TPR: variants seen among roughly 807,000 people sequenced by gnomAD.
TPR encodes translocated promoter region, nuclear basket protein.
Under a neutral mutation model 316.1 loss-of-function variants are expected in TPR, and 51 were observed. The ratio of observed to expected loss-of-function variants is 0.16; its 90% confidence interval spans 0.13 to 0.20. TPR has a LOEUF of 0.20. Ranked by LOEUF, TPR falls within the 10% of genes least tolerant of loss-of-function variation. The pLI, the probability that TPR is intolerant of heterozygous loss-of-function variation, is 1.00. For synonymous variants in TPR, 981 were observed against 914.7 expected (o/e 1.07, Z -1.31); for missense variants, 2,272 against 2,754.8 (o/e 0.82, Z 3.92).
chr1:186,329,993 G>C (rs1201478563), intron 39 of TPR, among the ~76,000 whole-genome samples: 5 of 152,038 alleles, frequency 3.3e-5, no homozygotes, highest in Non-Finnish European at 4.4e-5. Context: ...ATCAGTTTCT[G>C]TAACTATGAG....
intron 4 of TPR, among the ~76,000 whole-genome samples, chr1:186,366,933 T>A (rs1053899105): frequency 6.6e-6 from 1 of 151,556 alleles, no homozygotes; most frequent in African/African-American, 2.4e-5. Context: ...GGAACTCTTG[T>A]GAGACTGGGA....
chr1:186,362,512 T>C, intron 6 of TPR, 132 bp from the exon 7 acceptor site: 5 of 702,898 alleles, frequency 7.1e-6, no homozygotes, highest in Non-Finnish European at 1.2e-5. Flanking sequence ...AAAATATGCA[T>C]ATTTAAGAAA....
At position 186,375,196 on chromosome 1, in the gene TPR, C is replaced by A. The variant is rs1465302574; in HGVS notation, c.-168G>T. On this transcript the variant is annotated 5_prime_UTR_variant, in exon 1 of 51. Coordinates refer to ENST00000367478, the MANE Select transcript of TPR (RefSeq NM_003292.3). ...CTCCCGCGGCGGGACCCTGGGAAAT[C>A]GAGTCCACCCTCAGCGGCAGCGTTT... 6 of 1,518,472 alleles carry A rather than the reference C, an allele frequency of 4.0e-6. No homozygotes were observed. The Admixed American group carries it at 1.1e-4, about 27-fold the overall frequency. 94.1% of individuals were successfully genotyped at this position (1,518,472 alleles called of 1,614,324 possible). A position where few individuals can be genotyped will look rare whatever the true frequency, so the allele number is the denominator to read the frequency against.
chr1:186,333,716 A>C (rs1658248684), intron 36 of TPR, among the ~76,000 whole-genome samples: 1 of 152,206 alleles, frequency 6.6e-6, no homozygotes, highest in South Asian at 2.1e-4. Flanking sequence ...TTTAGTTTTT[A>C]ATTGATATAA....
At position 186,361,499 on chromosome 1, in the gene TPR, T is replaced by C. The variant is rs1659186380; in HGVS notation, c.958+123A>G. 10 of 850,698 alleles carry C rather than the reference T, an allele frequency of 1.2e-5. No individual in the cohort carries two copies. The South Asian group carries it at 1.7e-4, about 14-fold the overall frequency. The allele number at this position is 850,698 out of a possible 1,614,324, so 52.7% of individuals were successfully genotyped here. ...TTTCCTAATCCAAAGTTCTTTCTTC[T>C]GTACCTAATTCTGTCCCAAATAAAG... On this transcript the variant is annotated intron_variant, in intron 9 of 50. Coordinates refer to ENST00000367478, the MANE Select transcript of TPR (RefSeq NM_003292.3).
chr1:186,360,056 T>C, intron 11 of TPR, 60 bp from the exon 12 acceptor site: 1 of 1,529,260 alleles, frequency 6.5e-7, no homozygotes, highest in Non-Finnish European at 8.9e-7. Context: ...ATTTAGTTGA[T>C]CTAGTTTCAT....
At chr1:186,361,958 A>T in intron 7 of TPR, 89 bp from the exon 8 acceptor site, 1 of 1,294,788 alleles carries the variant, frequency 7.7e-7, no homozygotes, top group Non-Finnish European at 1.1e-6. Context: ...CCATTTTTGT[A>T]AAGTAAGAGC....
chr1:186,359,761 T>C (rs1035951340), intron 12 of TPR, 38 bp downstream of exon 12: 7 of 1,559,710 alleles, frequency 4.5e-6, no homozygotes, highest in Non-Finnish European at 6.0e-6. Context: ...TTCTCATTTG[T>C]ATTGTTACCA....
chr1:186,358,874 G>T (rs1659103366), intron 12 of TPR, among the ~76,000 whole-genome samples: 1 of 152,102 alleles, frequency 6.6e-6, no homozygotes, highest in Non-Finnish European at 1.5e-5. Flanking sequence ...TTTCAACAGA[G>T]AGAAAAATTC....
In TPR at chr1:186,336,568, G is replaced by A; in HGVS notation, c.4633C>T (p.Gln1545Ter). 6.2e-7 allele frequency: 1 copy of A among 1,613,910 alleles called. No homozygotes were observed. Among genetic ancestry groups the A allele is most frequent in the Non-Finnish European group, 8.5e-7 (1 of 1,179,896 alleles). The change falls in exon 33 of 51, where the codon CAG (glutamine) becomes TAG (stop). Residue 1545 changes from glutamine (Q) to a stop codon, truncating the protein, a stop_gained. Transcript: ENST00000367478. LOFTEE classifies it high-confidence loss of function. ...GTTTTTTCTTCCTTTTCAGTTATCT[G>A]TTGTCGGAGCTGCTCCTCCTGTGTG... is the stretch of plus-strand genomic sequence containing the variant. ...RTTQEEQLRQ[Q>*]ITEKEEKTRK...
chr1:186,311,669 C>G lies in TPR; in HGVS notation c.*2302G>C. 2 of 1,443,390 alleles carry G rather than the reference C, an allele frequency of 1.4e-6. No individual in the cohort carries two copies. The highest frequency in any genetic ancestry group is 1.9e-6 in the Non-Finnish European group (2 of 1,029,854). 89.4% of individuals were successfully genotyped at this position (1,443,390 alleles called of 1,614,324 possible). The stretch of plus-strand genomic sequence containing the variant: ...ACTCAGCATTTTCATTTATTATTGA[C>G]TTTACTGTCAAAAGATATCTTTAAT... On this transcript the variant is annotated 3_prime_UTR_variant, in exon 51 of 51. Coordinates refer to ENST00000367478, the MANE Select transcript of TPR (RefSeq NM_003292.3).
chr1:186,325,900 G>T, intron 41 of TPR, 46 bp from the exon 42 acceptor site: 1 of 1,592,558 alleles, frequency 6.3e-7, no homozygotes, highest in Non-Finnish European at 8.6e-7. Context: ...AAATAAATAT[G>T]TTAAAAAAAC....
chr1:186,361,389 A>T (rs992010958), intron 9 of TPR, among the ~76,000 whole-genome samples: 29 of 152,092 alleles, frequency 1.9e-4, no homozygotes, highest in Admixed American at 1.6e-3. Flanking sequence ...ATACAAGATT[A>T]TTAGATAAAA....
intron 3 of TPR, among the ~76,000 whole-genome samples, chr1:186,370,207 C>T (rs1402689541): frequency 1.3e-5 from 2 of 151,904 alleles, no homozygotes; most frequent in South Asian, 2.1e-4. Flanking sequence ...ATGTTTTTTT[C>T]CCCAATCATC....
At chr1:186,325,498 G>A in intron 42 of TPR, 1 of 274,470 alleles carries the variant, frequency 3.6e-6, no homozygotes, top group Non-Finnish European at 6.7e-6. Context: ...CTTAATGGCA[G>A]CATATAGCAT....
At chr1:186,339,236 C>G (rs1658430890) in intron 30 of TPR, among the ~76,000 whole-genome samples, 1 of 151,882 alleles carries the variant, frequency 6.6e-6, no homozygotes, top group Admixed American at 6.6e-5. Flanking sequence ...TTGAGACCAG[C>G]CTGGGCAACA....
intron 15 of TPR, 135 bp downstream of exon 15, chr1:186,356,151 G>C (rs1659022610): frequency 5.6e-6 from 4 of 712,786 alleles, no homozygotes; most frequent in South Asian, 2.7e-5. Context: ...CAGTTGATGG[G>C]ATGTTATAAG....
At position 186,353,866 on chromosome 1, in the gene TPR, T is replaced by C. The variant is rs988328266; in HGVS notation, c.2172-16A>G. ...CATTTCATAACTGGTATGAAAAAAGTAATTCTACAAGTAACTGAAATGATA... is the reference window on the plus strand; with the variant it reads ...CATTTCATAACTGGTATGAAAAAAGCAATTCTACAAGTAACTGAAATGATA... On this transcript the variant is annotated splice_polypyrimidine_tract_variant and intron_variant, in intron 17 of 50. Coordinates refer to ENST00000367478, the MANE Select transcript of TPR (RefSeq NM_003292.3). 1 of 1,609,018 alleles carries C rather than the reference T, an allele frequency of 6.2e-7. No homozygotes were observed. Among genetic ancestry groups the C allele is most frequent in the Non-Finnish European group, 8.5e-7 (1 of 1,178,392 alleles).
intron 49 of TPR, among the ~76,000 whole-genome samples, chr1:186,317,132 T>C (rs1571596014): frequency 6.6e-6 from 1 of 152,210 alleles, no homozygotes; most frequent in East Asian, 1.9e-4. Flanking sequence ...TAGCACTCCT[T>C]AGCCTCCCTC....
Sources: allele counts gnomAD v4.1 joint callset (sites outside exome capture counted in the v4.1 genomes callset), GRCh38; gene constraint gnomAD v4.1.1; transcripts MANE v1.5; gene names NCBI Gene and HGNC (gene_info 2026-07-23, HGNC 2026-07-21).